Variants in ZBTB7A observed in about 807,000 individuals in gnomAD.
ZBTB7A encodes zinc finger and BTB domain-containing protein 7A.
In ZBTB7A, 7 loss-of-function variants were observed where a neutral mutation model predicts 26.7. The ratio of observed to expected loss-of-function variants is 0.26; its 90% CI spans 0.15 to 0.49. The LOEUF is 0.49. Ranked by LOEUF, ZBTB7A falls within the 20% of genes least tolerant of loss-of-function variation. The probability of loss-of-function intolerance (pLI) is 0.98; values close to 1 mark genes in which losing one functional copy is unlikely to be tolerated. For missense variants in ZBTB7A, 617 were observed against 919.5 expected, an observed-to-expected ratio of 0.67 and a Z score of 4.25; for synonymous variants, 452 against 441.0, an observed-to-expected ratio of 1.02 and a Z score of -0.31.
Position 4,043,713 on chromosome 19 carries a change from G to T in ZBTB7A, c.*4039C>A, listed in dbSNP as rs1243508587. On this transcript the variant is annotated 3_prime_UTR_variant, in exon 3 of 3. Coordinates refer to ENST00000322357, the MANE Select transcript of ZBTB7A (RefSeq NM_015898.4). ...GTCTCCCTGGCCCCCTCCACCCCCT[G>T]GGCCCGGCCCCCCCCCCCCCCCCCC... Among the ~76,000 whole-genome samples the T allele has an allele frequency of 4.7e-5, 2 of 42,600 alleles. No individual in the cohort carries two copies. The highest frequency in any genetic ancestry group is 1.2e-4 in the African/African-American group (1 of 8,042). 27.9% of individuals were successfully genotyped at this position (42,600 alleles called of 152,430 possible).
intron 1 of ZBTB7A, chr19:4,055,631 G>A: frequency 4.3e-6 from 1 of 230,930 alleles, no homozygotes; most frequent in Non-Finnish European, 7.1e-6. Context: ...GACCATCCTG[G>A]CTAACACAGT....
Position 4,043,507 on chromosome 19 carries a change from C to T in ZBTB7A, c.*4245G>A, listed in dbSNP as rs1387904671. Among the ~76,000 whole-genome samples the T allele has an allele frequency of 6.7e-6, 1 of 149,564 alleles. No homozygotes were observed. Among genetic ancestry groups the T allele is most frequent in the Non-Finnish European group, 1.5e-5 (1 of 67,708 alleles). ...TTTATAAAGACTCTCAATACAGTCT[C>T]TGGAATGTCTATCTGTCTGTGCTCT... On this transcript the variant is annotated 3_prime_UTR_variant, in exon 3 of 3. Transcript: ENST00000322357.
intron 1 of ZBTB7A, among the ~76,000 whole-genome samples, chr19:4,061,160 C>G (rs2040633894): frequency 6.6e-6 from 1 of 152,226 alleles, no homozygotes; most frequent in Admixed American, 6.5e-5. Context: ...CATTGCCAGG[C>G]TGTTCACCAC....
chr19:4,049,212 A>ATATATATATAT lies in ZBTB7A; in HGVS notation c.1263-969_1263-968insATATATATATA, dbSNP rs1396362012. 6.8e-3 allele frequency among the ~76,000 whole-genome samples: 158 copies of ATATATATATAT among 23,186 alleles called. 35 individuals carry two copies. The highest frequency in any genetic ancestry group is 0.024 in the East Asian group (2 of 82). The allele number at this position is 23,186 out of a possible 152,430, so 15.2% of individuals were successfully genotyped here. A position where few individuals can be genotyped will look rare whatever the true frequency, so the allele number is the denominator to read the frequency against. On this transcript the variant is annotated intron_variant, in intron 2 of 2. Transcript: ENST00000322357. ...TATATATATATATATATATATATGT[A>ATATATATATAT]AGTTTGAGAGATGGGGGTTGAGCTA...
Position 4,054,466 on chromosome 19 carries a change from A to G in ZBTB7A, c.767T>C (p.Leu256Pro). ...CGGCGGGGCCACCGGCGGCGGAAAG[A>G]GACCCCCGGTGGGGGCGTCCTCATC... ...ERDEDAPTGG[L>P]FPPPVAPPAA... Residue 256 changes from leucine to proline, a missense_variant, in exon 2 of 3, where the codon CTC becomes CCC. Physicochemically the swap from Leu to Pro is moderately conservative, Grantham distance 98. This residue lies in a region of ZBTB7A where 331 missense variants were observed against 391.3 expected (regional missense o/e 0.85). Transcript: ENST00000322357. 1 of 1,362,786 alleles carries G rather than the reference A, an allele frequency of 7.3e-7. No homozygotes were observed. The highest frequency in any genetic ancestry group is 9.4e-7 in the Non-Finnish European group (1 of 1,065,648). 84.4% of individuals were successfully genotyped at this position (1,362,786 alleles called of 1,614,324 possible). A position where few individuals can be genotyped will look rare whatever the true frequency, so the allele number is the denominator to read the frequency against.
rs1312921135 is a variant in ZBTB7A, at chr19:4,045,899, T to G, written c.*1853A>C. The G allele has an allele frequency of 5.0e-6, 2 of 396,688 alleles. No individual in the cohort carries two copies. The highest frequency in any genetic ancestry group is 4.2e-5 in the African/African-American group (2 of 47,918). 24.6% of individuals were successfully genotyped at this position (396,688 alleles called of 1,614,324 possible). A position where few individuals can be genotyped will look rare whatever the true frequency, so the allele number is the denominator to read the frequency against. ...GCCTTTGAGTAAAAAGAGGGGTGCC[T>G]GGGGTGGGGAGAGGGGCGGTGGTTC... On this transcript the variant is annotated 3_prime_UTR_variant, in exon 3 of 3. Transcript: ENST00000322357. This position sits in a 1 kb window ranked among gnomAD's most constrained non-coding sequence, Gnocchi z 4.1.
In ZBTB7A at chr19:4,049,890, T is replaced by C. The variant is rs1207516850; in HGVS notation, c.1263-1646A>G. On this transcript the variant is annotated intron_variant, in intron 2 of 2. Transcript: ENST00000322357. Reference sequence around the variant, plus strand: ...CAAATGTCACCTCCTTCCCCAGCCCTGTCTCCATCCTCCTGTCATCACCAC... The same window carrying C: ...CAAATGTCACCTCCTTCCCCAGCCCCGTCTCCATCCTCCTGTCATCACCAC... Among the ~76,000 whole-genome samples, 7 of 152,192 alleles carry C rather than the reference T, an allele frequency of 4.6e-5. No homozygotes were observed. The East Asian group carries it at 1.3e-3, about 29-fold the overall frequency.
chr19:4,066,675 G>T lies in ZBTB7A; in HGVS notation c.-16+7C>A. 6.6e-6 allele frequency: 1 copy of T among 151,384 alleles called. No individual in the cohort carries two copies. Among genetic ancestry groups the T allele is most frequent in the South Asian group, 1.9e-4 (1 of 5,152 alleles). The allele number at this position is 151,384 out of a possible 1,614,324, so 9.4% of individuals were successfully genotyped here. A position where few individuals can be genotyped will look rare whatever the true frequency, so the allele number is the denominator to read the frequency against. Reference sequence around the variant, plus strand: ...CGTGCCGGGGGCCGCGCCGGGCGCTGACTTACCTCGCGGGGCCGGGCCGGG... The same window carrying T: ...CGTGCCGGGGGCCGCGCCGGGCGCTTACTTACCTCGCGGGGCCGGGCCGGG... On this transcript the variant is annotated splice_region_variant and intron_variant, in intron 1 of 2. Transcript: ENST00000322357.
In ZBTB7A at chr19:4,054,884, G is replaced by T; in HGVS notation, c.349C>A (p.Pro117Thr). ...ILSAARLLEIPAVSHVCADLL... is the reference protein window; with the variant it reads ...ILSAARLLEITAVSHVCADLL... ...TCGGCGCACACGTGGCTCACGGCGG[G>T]GATCTCCAGCAGGCGGGCGGCGCTG... Residue 117 changes from proline (P) to threonine (T), a missense_variant, in exon 2 of 3, where the codon CCC (proline) becomes ACC (threonine). Coordinates refer to ENST00000322357, the MANE Select transcript of ZBTB7A (RefSeq NM_015898.4). 6.2e-7 allele frequency: 1 copy of T among 1,608,586 alleles called. No homozygotes were observed. Among genetic ancestry groups the T allele is most frequent in the Non-Finnish European group, 8.5e-7 (1 of 1,177,610 alleles).
intron 1 of ZBTB7A, among the ~76,000 whole-genome samples, chr19:4,058,771 C>T (rs922129853): frequency 3.3e-5 from 5 of 152,240 alleles, no homozygotes; most frequent in African/African-American, 7.2e-5. Context: ...TCGGTCCAGC[C>T]GGACCCAAAG....
chr19:4,064,251 C>A (rs1044847291), intron 1 of ZBTB7A, among the ~76,000 whole-genome samples: 3 of 152,386 alleles, frequency 2.0e-5, no homozygotes, highest in African/African-American at 7.2e-5. Flanking sequence ...GACTGACCCA[C>A]GAATTAAAAT....
chr19:4,056,427 G>A (rs1198264527), intron 1 of ZBTB7A, among the ~76,000 whole-genome samples: 1 of 152,232 alleles, frequency 6.6e-6, no homozygotes. Context: ...GGGAATGCCT[G>A]TTGAAAGGGC....
At chr19:4,049,166 G>GTA (rs1186333792) in intron 2 of ZBTB7A, among the ~76,000 whole-genome samples, 162 of 13,454 alleles carry the variant, frequency 0.012, no homozygotes, top group South Asian at 0.015. Context: ...GTGTGTGTGT[G>GTA]TGTATATATA....
chr19:4,053,470 T>C (rs1280741620), intron 2 of ZBTB7A, among the ~76,000 whole-genome samples: 1 of 151,362 alleles, frequency 6.6e-6, no homozygotes. Context: ...CATGCATGTC[T>C]GGGGGTGCGT....
Position 4,043,516 on chromosome 19 carries a change from C to CT in ZBTB7A, c.*4235dup, listed in dbSNP as rs2144958858. ...ACTCTCAATACAGTCTCTGGAATGT[C>CT]TATCTGTCTGTGCTCTGTACCCTGA... On this transcript the variant is annotated 3_prime_UTR_variant, in exon 3 of 3. Coordinates refer to ENST00000322357, the MANE Select transcript of ZBTB7A (RefSeq NM_015898.4). Among the ~76,000 whole-genome samples, 1 of 150,226 alleles carries CT rather than the reference C, an allele frequency of 6.7e-6. No individual in the cohort carries two copies. The highest frequency in any genetic ancestry group is 1.5e-5 in the Non-Finnish European group (1 of 67,770).
At chr19:4,053,496 TGC>T (rs1568232689) in intron 2 of ZBTB7A, among the ~76,000 whole-genome samples, 1 of 83,394 alleles carries the variant, frequency 1.2e-5, no homozygotes, top group Non-Finnish European at 2.1e-5. Context: ...TCTGTGTGCG[TGC>T]CTGGGTGTGC....
In ZBTB7A at chr19:4,054,228, C is replaced by T. The variant is rs2040542545; in HGVS notation, c.1005G>A (p.Gly335=). Residue 335 remains glycine, a synonymous_variant, in exon 2 of 3, where the codon GGG becomes GGA. Transcript: ENST00000322357. The stretch of plus-strand genomic sequence containing the variant: ...CGGCCCGCGACTCCTCGTCGCTGTC[C>T]CCCGCCGCGGCCCCCGCCCGGCCCA... ...SSVGRAGAAA[G]DSDEESRADD... is the part of the protein sequence containing the mutation. 1 of 1,584,292 alleles carries T rather than the reference C, an allele frequency of 6.3e-7. No individual in the cohort carries two copies. The highest frequency in any genetic ancestry group is 8.5e-7 in the Non-Finnish European group (1 of 1,171,894).
In ZBTB7A at chr19:4,052,665, T is replaced by C. The variant is rs976821459; in HGVS notation, c.1262+1306A>G. On this transcript the variant is annotated intron_variant, in intron 2 of 2. Transcript: ENST00000322357. The surrounding 1 kb of genome is among the most constrained non-coding windows in gnomAD (Gnocchi z 4.9). ...TGCTGAGTCACCCAGCCTGGCCAGG[T>C]CCCTGCCTGCCAGCCCCCTGCCCCC... Among the ~76,000 whole-genome samples, 1 of 151,654 alleles carries C rather than the reference T, an allele frequency of 6.6e-6. No individual in the cohort carries two copies. The highest frequency in any genetic ancestry group is 2.4e-5 in the African/African-American group (1 of 41,234).
Position 4,047,676 on chromosome 19 carries a change from G to T in ZBTB7A, c.*76C>A, listed in dbSNP as rs569992646. 54 of 1,489,106 alleles carry T rather than the reference G, an allele frequency of 3.6e-5. No individual in the cohort carries two copies. In the Admixed American group the frequency reaches 4.2e-4, roughly 12 times the overall value. The allele number at this position is 1,489,106 out of a possible 1,614,324, so 92.2% of individuals were successfully genotyped here. On this transcript the variant is annotated 3_prime_UTR_variant, in exon 3 of 3. Transcript: ENST00000322357. ...ATAGATTTTCTTTTTTTGTGTTTTT[G>T]GGGGGGTGGTGGGTGATTTTTTTTC...
Sources: allele counts gnomAD v4.1 joint callset (sites outside exome capture counted in the v4.1 genomes callset), GRCh38; gene constraint gnomAD v4.1.1; regional missense constraint gnomAD v4.1.1; non-coding constraint Gnocchi (gnomAD v3.1); transcripts MANE v1.5; gene names NCBI Gene and HGNC (gene_info 2026-07-23, HGNC 2026-07-21).